Variants in ATF7IP observed in about 807,000 individuals in gnomAD.
ATF7IP encodes the protein activating transcription factor 7 interacting protein.
In ATF7IP, 23 loss-of-function variants were observed where a neutral mutation model predicts 106.4. The observed-to-expected ratio is 0.22, with a 90% CI of 0.16 to 0.31. The LOEUF is 0.31. ATF7IP is among the 10% of genes least tolerant of loss of function. The probability of loss-of-function intolerance (pLI) is 1.00; values close to 1 mark genes in which losing one functional copy is unlikely to be tolerated. For synonymous variants in ATF7IP, 542 were observed against 539.0 expected (o/e 1.01, Z -0.08); for missense variants, 1,334 against 1,524.3 (o/e 0.88, Z 2.08).
chr12:14,435,253 A>C (rs1307776105), intron 3 of ATF7IP, among the ~76,000 whole-genome samples: 1 of 152,216 alleles, frequency 6.6e-6, no homozygotes, highest in African/African-American at 2.4e-5. Context: ...ACTAGAAGTC[A>C]GGAAAGCTGG....
At chr12:14,437,349 G>A (rs146942714) in intron 4 of ATF7IP, among the ~76,000 whole-genome samples, 72 of 152,248 alleles carry the variant, frequency 4.7e-4, no homozygotes, top group African/African-American at 1.7e-3. Context: ...AGAATAGTGA[G>A]GCTGTAGAAA....
At chr12:14,423,078 G>A (rs770040406) in intron 1 of ATF7IP, among the ~76,000 whole-genome samples, 15 of 151,936 alleles carry the variant, frequency 9.9e-5, no homozygotes, top group South Asian at 2.1e-4. Flanking sequence ...GATTGTAGCC[G>A]TCCTGTCGTG....
At chr12:14,408,934 C>T (rs1340431109) in intron 1 of ATF7IP, among the ~76,000 whole-genome samples, 1 of 152,030 alleles carries the variant, frequency 6.6e-6, no homozygotes, top group Non-Finnish European at 1.5e-5. Flanking sequence ...TCTATGTGCT[C>T]AACACTACGT....
chr12:14,483,878 T>G (rs2136823665), intron 13 of ATF7IP, among the ~76,000 whole-genome samples: 1 of 152,264 alleles, frequency 6.6e-6, no homozygotes, highest in Middle Eastern at 3.4e-3. Flanking sequence ...TGCACTCCTT[T>G]AGCCATAAAA....
chr12:14,385,388 A>G (rs960897195), intron 1 of ATF7IP: 2 of 1,534,112 alleles, frequency 1.3e-6, no homozygotes, highest in South Asian at 2.4e-5. Flanking sequence ...TGTCACATGC[A>G]TCAGGACCAG....
chr12:14,455,993 G>A (rs543043589), intron 6 of ATF7IP, among the ~76,000 whole-genome samples: 6 of 152,174 alleles, frequency 3.9e-5, no homozygotes, highest in African/African-American at 1.4e-4. Context: ...CCCTGGTTTT[G>A]GGGGGAAAGG....
chr12:14,371,408 A>G (rs556601310), intron 1 of ATF7IP, among the ~76,000 whole-genome samples: 5 of 152,222 alleles, frequency 3.3e-5, no homozygotes, highest in Admixed American at 3.3e-4. Flanking sequence ...GGTCTTTTTC[A>G]AGCAACACTG....
At position 14,460,892 on chromosome 12, in the gene ATF7IP, T is replaced by C. The variant is rs1943610747; in HGVS notation, c.2556T>C (p.Ser852=). 6.2e-7 allele frequency: 1 copy of C among 1,614,054 alleles called. No homozygotes were observed. Among genetic ancestry groups the C allele is most frequent in the African/African-American group, 1.3e-5 (1 of 74,924 alleles). ...CAAACAACGTTCCTTCTGTGCCCAG[T>C]CCTAGTATTCAAAGGAACCCTACTG... is the stretch of plus-strand genomic sequence containing the variant. The part of the protein sequence containing the change: ...TKPNNVPSVP[S]PSIQRNPTAS... The change falls in exon 9 of 15, where the codon AGT becomes AGC. Residue 852 remains serine (S), a synonymous_variant. Coordinates refer to ENST00000261168, the MANE Select transcript of ATF7IP (RefSeq NM_018179.5).
At chr12:14,494,332 T>C (rs112707304) in intron 13 of ATF7IP, among the ~76,000 whole-genome samples, 8 of 115,766 alleles carry the variant, frequency 6.9e-5, no homozygotes, top group Non-Finnish European at 1.4e-4. Context: ...TATATATATA[T>C]ATGTGTGTGT....
At chr12:14,377,006 G>GT (rs1267939917) in intron 1 of ATF7IP, among the ~76,000 whole-genome samples, 1 of 151,894 alleles carries the variant, frequency 6.6e-6, no homozygotes, top group South Asian at 2.1e-4. Flanking sequence ...TTGTTTGTTT[G>GT]TTTTTTGAGA....
At chr12:14,375,010 G>A (rs1938676802) in intron 1 of ATF7IP, among the ~76,000 whole-genome samples, 1 of 151,686 alleles carries the variant, frequency 6.6e-6, no homozygotes, top group Non-Finnish European at 1.5e-5. Flanking sequence ...TTTCTAATAA[G>A]GTATGATAAG....
chr12:14,368,420 ATAT>A (rs1306892635), intron 1 of ATF7IP, among the ~76,000 whole-genome samples: 4 of 152,106 alleles, frequency 2.6e-5, no homozygotes, highest in African/African-American at 9.6e-5. Context: ...AAATGGTTAC[ATAT>A]TATTGTTATC....
intron 1 of ATF7IP, among the ~76,000 whole-genome samples, chr12:14,403,864 C>T (rs1324196811): frequency 8.5e-5 from 13 of 152,138 alleles, no homozygotes; most frequent in Admixed American, 8.5e-4. Context: ...TCCAATAGCC[C>T]TGAACTCAGC....
chr12:14,437,997 G>C, intron 4 of ATF7IP, 133 bp from the exon 5 acceptor site: 1 of 725,660 alleles, frequency 1.4e-6, no homozygotes, highest in Non-Finnish European at 2.1e-6. Context: ...AGCTTGCAGT[G>C]AGCCGAGATC....
At chr12:14,481,292 G>A (rs1229020002) in intron 13 of ATF7IP, 107 bp downstream of exon 13, 6 of 997,340 alleles carry the variant, frequency 6.0e-6, no homozygotes, top group Admixed American at 2.3e-5. Context: ...TTCTTATAAT[G>A]TCATATTAAA....
At chr12:14,433,624 C>T (rs924918880) in intron 2 of ATF7IP, among the ~76,000 whole-genome samples, 4 of 150,892 alleles carry the variant, frequency 2.7e-5, no homozygotes, top group South Asian at 2.1e-4. Flanking sequence ...GAGACGAGAT[C>T]GCCCCACTGC....
intron 1 of ATF7IP, among the ~76,000 whole-genome samples, chr12:14,400,387 C>A (rs1940124687): frequency 6.6e-6 from 1 of 152,054 alleles, no homozygotes; most frequent in Non-Finnish European, 1.5e-5. Context: ...TCCATGAAGA[C>A]AGACTTTGTT....
intron 6 of ATF7IP, among the ~76,000 whole-genome samples, chr12:14,452,404 C>CT (rs993816763): frequency 1.3e-5 from 2 of 151,718 alleles, no homozygotes; most frequent in African/African-American, 4.8e-5. Flanking sequence ...TGACTTGTAG[C>CT]TTTTTTTTGT....
At chr12:14,455,964 A>C (rs1411130141) in intron 6 of ATF7IP, among the ~76,000 whole-genome samples, 6 of 152,328 alleles carry the variant, frequency 3.9e-5, no homozygotes. Flanking sequence ...TGTAGGCGTT[A>C]TAATTCCATT....
Sources: allele counts gnomAD v4.1 joint callset (sites outside exome capture counted in the v4.1 genomes callset), GRCh38; gene constraint gnomAD v4.1.1; transcripts MANE v1.5; gene names NCBI Gene and HGNC (gene_info 2026-07-23, HGNC 2026-07-21).